Variants in PCLO observed in about 807,000 individuals in gnomAD.
PCLO encodes the protein protein piccolo.
A neutral mutation model predicts 427.5 loss-of-function variants in PCLO; 82 were observed. That is an observed-to-expected ratio of 0.19 (90% CI 0.16 to 0.23). PCLO has a LOEUF of 0.23. Ranked by LOEUF, PCLO falls within the 10% of genes least tolerant of loss-of-function variation. The pLI, the probability that PCLO is intolerant of heterozygous loss-of-function variation, is 1.00. For missense variants in PCLO, 6,239 were observed against 6,115.9 expected (o/e 1.02, Z -0.67); for synonymous variants, 2,357 against 2,155.4 (o/e 1.09, Z -2.59).
In PCLO at chr7:82,809,860, A is replaced by C. The variant is rs1222773201; in HGVS notation, c.14792-4031T>G. Among the ~76,000 whole-genome samples, 6 of 151,620 alleles carry C rather than the reference A, an allele frequency of 4.0e-5. No individual in the cohort carries two copies. The East Asian group carries it at 1.2e-3, about 29-fold the overall frequency. On this transcript the variant is annotated intron_variant, in intron 20 of 24. Transcript: ENST00000333891. The stretch of plus-strand genomic sequence containing the variant: ...ACTGTATAGAAAAAGGTGATCATTC[A>C]ACTATATTTTTTAACCCCAATCTCC...
intron 3 of PCLO, among the ~76,000 whole-genome samples, chr7:83,092,158 A>G (rs1381474953): frequency 2.6e-5 from 4 of 152,188 alleles, no homozygotes; most frequent in Admixed American, 2.6e-4. Context: ...AGGATGCCCT[A>G]AAGTTGGCAG....
intron 22 of PCLO, among the ~76,000 whole-genome samples, chr7:82,798,560 T>A (rs77220731): frequency 1.1e-3 from 160 of 152,340 alleles, no homozygotes; most frequent in African/African-American, 3.8e-3. Context: ...TTTGCATTGA[T>A]GTGTCCTCCT....
intron 22 of PCLO, among the ~76,000 whole-genome samples, chr7:82,763,743 T>C (rs188038047): frequency 1.4e-3 from 216 of 152,174 alleles, no homozygotes; most frequent in African/African-American, 4.9e-3. Context: ...CTTCTATAAG[T>C]TTTATAAACT....
intron 9 of PCLO, among the ~76,000 whole-genome samples, chr7:82,898,962 C>A (rs891027063): frequency 6.6e-6 from 1 of 151,164 alleles, no homozygotes; most frequent in Non-Finnish European, 1.5e-5. Flanking sequence ...GTGTGCATTT[C>A]CAAAAGATAC....
intron 10 of PCLO, among the ~76,000 whole-genome samples, chr7:82,857,241 G>T (rs1792831679): frequency 6.6e-6 from 1 of 152,102 alleles, no homozygotes; most frequent in South Asian, 2.1e-4. Context: ...ATACTATATG[G>T]ATTGTGTAGA....
At chr7:82,896,496 G>A (rs933148301) in intron 9 of PCLO, among the ~76,000 whole-genome samples, 1 of 151,662 alleles carries the variant, frequency 6.6e-6, no homozygotes, top group Non-Finnish European at 1.5e-5. Flanking sequence ...GATGAGGGAT[G>A]TTGGAAGCAG....
chr7:82,992,334 T>C (rs10277829), intron 3 of PCLO, among the ~76,000 whole-genome samples: 4,599 of 152,180 alleles, frequency 0.03, 240 homozygotes, highest in African/African-American at 0.1. Flanking sequence ...ACCCTCTCTG[T>C]GCCTGCTGCT....
In PCLO at chr7:83,027,883, A is replaced by G. The variant is rs998734793; in HGVS notation, c.3301-61396T>C. 3.9e-5 allele frequency among the ~76,000 whole-genome samples: 5 copies of G among 126,996 alleles called. No individual in the cohort carries two copies. The Admixed American group carries it at 4.1e-4, about 10-fold the overall frequency. 83.3% of individuals were successfully genotyped at this position (126,996 alleles called of 152,430 possible). On this transcript the variant is annotated intron_variant, in intron 3 of 24. Transcript: ENST00000333891. ...CATGATTATCTCAATAGATGCAGAAAAGGCCTTTGACAAAATTCAACAACC... is the reference window on the plus strand; with the variant it reads ...CATGATTATCTCAATAGATGCAGAAGAGGCCTTTGACAAAATTCAACAACC...
intron 3 of PCLO, among the ~76,000 whole-genome samples, chr7:82,974,619 T>C (rs1795976017): frequency 1.3e-5 from 2 of 152,212 alleles, no homozygotes; most frequent in Non-Finnish European, 2.9e-5. Context: ...TACTAGGTTT[T>C]AGGCTGATAG....
chr7:83,046,907 G>A (rs2116239748), intron 3 of PCLO, among the ~76,000 whole-genome samples: 1 of 152,042 alleles, frequency 6.6e-6, no homozygotes, highest in African/African-American at 2.4e-5. Context: ...AATTTTAAAA[G>A]TAAGAAGAAA....
At chr7:83,066,186 A>G (rs1240782010) in intron 3 of PCLO, among the ~76,000 whole-genome samples, 1 of 152,134 alleles carries the variant, frequency 6.6e-6, no homozygotes, top group Non-Finnish European at 1.5e-5. Flanking sequence ...GAAGTCAATC[A>G]AGAAGTTAAT....
intron 10 of PCLO, among the ~76,000 whole-genome samples, chr7:82,874,617 T>C (rs551755220): frequency 1.3e-5 from 2 of 152,286 alleles, no homozygotes; most frequent in Non-Finnish European, 2.9e-5. Flanking sequence ...AGGTTTTACC[T>C]AGTAAAACAG....
intron 10 of PCLO, among the ~76,000 whole-genome samples, chr7:82,867,896 T>C (rs988448188): frequency 1.3e-5 from 2 of 152,200 alleles, no homozygotes; most frequent in Non-Finnish European, 2.9e-5. Flanking sequence ...AGTATCGTGA[T>C]GTGGTGTGAT....
chr7:82,914,681 T>A lies in PCLO; in HGVS notation c.13300+5A>T. 1 of 1,612,662 alleles carries A rather than the reference T, an allele frequency of 6.2e-7. No homozygotes were observed. The highest frequency in any genetic ancestry group is 8.5e-7 in the Non-Finnish European group (1 of 1,179,288). ...AGTAACAGGGTAGTTTGAGGCCCAA[T>A]TTACCTTCACTGTCTGACATGGCAT... On this transcript the variant is annotated splice_donor_5th_base_variant and intron_variant, in intron 7 of 24. Transcript: ENST00000333891.
intron 3 of PCLO, among the ~76,000 whole-genome samples, chr7:82,968,517 C>CTTTTTTTTTTTTTTTTTTTTTTT (rs11324005): frequency 9.6e-5 from 7 of 73,214 alleles, no homozygotes; most frequent in African/African-American, 3.4e-4. Flanking sequence ...CAGAGTCTGA[C>CTTTTTTTTTTTTTTTTTTTTTTT]TTTTTTTTTT....
At chr7:82,949,412 A>C in intron 6 of PCLO, 64 bp downstream of exon 6, 1 of 1,297,932 alleles carries the variant, frequency 7.7e-7, no homozygotes, top group East Asian at 2.3e-5. Context: ...CGCCTCCTAA[A>C]AGTCTGAAAA....
At chr7:83,099,362 A>G (rs1223631687) in intron 3 of PCLO, among the ~76,000 whole-genome samples, 1 of 148,128 alleles carries the variant, frequency 6.8e-6, no homozygotes. Flanking sequence ...AAATAAACAA[A>G]TATGTTTTAA....
At chr7:83,146,181 ATTGT>A (rs1357920278) in intron 2 of PCLO, among the ~76,000 whole-genome samples, 1 of 152,188 alleles carries the variant, frequency 6.6e-6, no homozygotes, top group African/African-American at 2.4e-5. Context: ...GACAAGAAAC[ATTGT>A]TTGTAGTGAA....
chr7:82,956,405 A>G lies in PCLO; in HGVS notation c.4548T>C (p.Ser1516=). Reference sequence around the variant, plus strand: ...GAACAGGTGAGTTTTCACTTTCACTACTCTCTTCAACTGAATCATAAGGCT... The same window carrying G: ...GAACAGGTGAGTTTTCACTTTCACTGCTCTCTTCAACTGAATCATAAGGCT... ...RREPYDSVEE[S]SESENSPVPQ... is the part of the protein sequence containing the mutation. Residue 1516 remains serine (S), a synonymous_variant, in exon 5 of 25, where the codon AGT becomes AGC. Transcript: ENST00000333891. The G allele has an allele frequency of 6.2e-7, 1 of 1,613,056 alleles. No homozygotes were observed. The highest frequency in any genetic ancestry group is 1.1e-5 in the South Asian group (1 of 91,036).
Sources: gnomAD v4.1 joint callset for allele counts (sites outside exome capture counted in the v4.1 genomes callset) on GRCh38, gnomAD v4.1.1 for gene constraint, MANE v1.5 for transcripts, NCBI Gene and HGNC (gene_info 2026-07-23, HGNC 2026-07-21) for gene names.